KALRN: variants seen among roughly 807,000 people sequenced by gnomAD.
KALRN encodes the protein kalirin.
Under a neutral mutation model 353.7 loss-of-function variants are expected in KALRN, and 70 were observed. The observed-to-expected ratio is 0.20, with a 90% CI of 0.16 to 0.24. The LOEUF (loss-of-function observed/expected upper bound fraction) is 0.24. Among genes scored for constraint, KALRN ranks in the 10% least tolerant of loss-of-function variants. KALRN has a pLI of 1.00. For synonymous variants in KALRN, 1,391 were observed against 1,434.8 expected (o/e 0.97, Z 0.69); for missense variants, 2,791 against 3,756.7 (o/e 0.74, Z 6.72).
rs747421477 is a variant in KALRN, at chr3:124,562,994, G to A, written c.5087G>A (p.Ser1696Asn). ...GWCLVRTTER[S>N]PPLEGLVPSS... is the part of the protein sequence containing the mutation. ...TGTCTGGTCCGTACCACCGAACGGAGCCCGCCCTTGGAGGGTCTGGTCCCC... is the reference window on the plus strand; with the variant it reads ...TGTCTGGTCCGTACCACCGAACGGAACCCGCCCTTGGAGGGTCTGGTCCCC... Residue 1696 changes from serine (S) to asparagine (N), a missense_variant, in exon 34 of 60, where the codon AGC becomes AAC. By Grantham distance (46) the Ser-to-Asn change is conservative. Around this residue, in one of 11 missense-constraint regions of KALRN, gnomAD observed 239 missense variants for 351.3 expected, o/e 0.68. Coordinates refer to ENST00000682506, the MANE Select transcript of KALRN (RefSeq NM_001388419.1). The A allele has an allele frequency of 4.4e-6, 6 of 1,367,930 alleles. No homozygotes were observed. The highest frequency in any genetic ancestry group is 1.9e-5 in the Admixed American group (1 of 52,600). The allele number at this position is 1,367,930 out of a possible 1,614,324, so 84.7% of individuals were successfully genotyped here. A position where few individuals can be genotyped will look rare whatever the true frequency, so the allele number is the denominator to read the frequency against.
chr3:124,430,606 G>C, intron 15 of KALRN, 50 bp from the exon 16 acceptor site: 1 of 1,605,480 alleles, frequency 6.2e-7, no homozygotes, highest in Non-Finnish European at 8.5e-7. Context: ...CAACAGCTCT[G>C]GGGAAACTGC....
chr3:124,514,476 A>G (rs1297461363), intron 33 of KALRN, among the ~76,000 whole-genome samples: 2 of 152,236 alleles, frequency 1.3e-5, no homozygotes, highest in African/African-American at 4.8e-5. Context: ...AGGTTAAGCA[A>G]CTAACAGTAA....
chr3:124,609,541 G>A (rs333333), intron 34 of KALRN, among the ~76,000 whole-genome samples: 64,545 of 152,072 alleles, frequency 0.42, 14,898 homozygotes, highest in East Asian at 0.63. Flanking sequence ...TATAAAAGTG[G>A]GTAAAGGGCA....
chr3:124,400,419 G>C (rs1361956725), intron 13 of KALRN, among the ~76,000 whole-genome samples: 1 of 152,170 alleles, frequency 6.6e-6, no homozygotes. Context: ...CTGGAACAAA[G>C]GAGAAGTTAA....
At chr3:124,333,621 C>T (rs2149456941) in intron 8 of KALRN, among the ~76,000 whole-genome samples, 1 of 152,264 alleles carries the variant, frequency 6.6e-6, no homozygotes. Flanking sequence ...GGCACTGTGG[C>T]TCACACCTGT....
At chr3:124,260,476 A>T (rs1357709860) in intron 3 of KALRN, among the ~76,000 whole-genome samples, 1 of 152,172 alleles carries the variant, frequency 6.6e-6, no homozygotes, top group Non-Finnish European at 1.5e-5. Context: ...CCTTGCAAAT[A>T]GCAGCCCTTT....
At chr3:124,185,935 G>A (rs1021299653) in intron 1 of KALRN, among the ~76,000 whole-genome samples, 3 of 152,184 alleles carry the variant, frequency 2.0e-5, no homozygotes, top group African/African-American at 7.2e-5. Flanking sequence ...CAGTTGCTGG[G>A]AGATGGAGGA....
intron 1 of KALRN, 93 bp from the exon 2 acceptor site, chr3:124,227,897 C>G: frequency 1.0e-6 from 1 of 1,004,742 alleles, no homozygotes; most frequent in South Asian, 1.3e-5. Context: ...GACTTGCCGG[C>G]TGATGATGGG....
At chr3:124,371,907 T>C (rs2085891115) in intron 10 of KALRN, among the ~76,000 whole-genome samples, 1 of 152,208 alleles carries the variant, frequency 6.6e-6, no homozygotes, top group Admixed American at 6.5e-5. Flanking sequence ...CTATTTTTTG[T>C]AGCTCTTAAC....
chr3:124,692,040 A>G lies in KALRN; in HGVS notation c.7378-1764A>G, dbSNP rs2061841989. Among the ~76,000 whole-genome samples the G allele has an allele frequency of 2.0e-5, 3 of 152,208 alleles. No homozygotes were observed. The South Asian group carries it at 6.2e-4, about 32-fold the overall frequency. ...TTCCCTGGAATAGAGGGGGACTTTC[A>G]TCAGGTTCATTAAACAAGGCTGCAT... On this transcript the variant is annotated intron_variant, in intron 51 of 59. Transcript: ENST00000682506.
intron 34 of KALRN, among the ~76,000 whole-genome samples, chr3:124,596,528 A>G (rs893359066): frequency 2.0e-5 from 3 of 152,180 alleles, no homozygotes; most frequent in Non-Finnish European, 4.4e-5. Context: ...CATACAATCA[A>G]TATAAAAATT....
intron 1 of KALRN, among the ~76,000 whole-genome samples, chr3:124,200,799 A>C (rs1372141329): frequency 6.6e-6 from 1 of 152,206 alleles, no homozygotes; most frequent in African/African-American, 2.4e-5. Flanking sequence ...GCCACCCTAC[A>C]CCATCCCTCT....
chr3:124,179,880 T>G (rs975749164), intron 1 of KALRN, among the ~76,000 whole-genome samples: 1 of 152,210 alleles, frequency 6.6e-6, no homozygotes, highest in African/African-American at 2.4e-5. Flanking sequence ...CTCACCTAGT[T>G]TCGGACCGAG....
Position 124,434,373 on chromosome 3 carries a change from G to A in KALRN, c.2896G>A (p.Glu966Lys), listed in dbSNP as rs1001691505. ...TGCCCTGCAGGTACAGCAGAAAGCCGAGGTGCTGCTCCAGGCCGGCCACTA... is the reference window on the plus strand; with the variant it reads ...TGCCCTGCAGGTACAGCAGAAAGCCAAGGTGCTGCTCCAGGCCGGCCACTA... The part of the protein sequence containing the change: ...QSALQVQQKA[E>K]VLLQAGHYDA... The change falls in exon 17 of 60, where the codon GAG becomes AAG. Residue 966 changes from glutamate to lysine, a missense_variant. By Grantham distance (56) the Glu-to-Lys change is moderately conservative. Coordinates refer to ENST00000682506, the MANE Select transcript of KALRN (RefSeq NM_001388419.1). The A allele has an allele frequency of 4.3e-6, 7 of 1,613,776 alleles. No homozygotes were observed. Among genetic ancestry groups the A allele is most frequent in the Non-Finnish European group, 5.9e-6 (7 of 1,180,038 alleles).
chr3:124,439,069 C>T, intron 18 of KALRN, 32 bp downstream of exon 18: 1 of 1,602,038 alleles, frequency 6.2e-7, no homozygotes, highest in East Asian at 2.2e-5. Context: ...AGGGCTCAGA[C>T]TCCTGGCCTT....
At chr3:124,558,141 A>G (rs2071508577) in intron 33 of KALRN, among the ~76,000 whole-genome samples, 1 of 152,174 alleles carries the variant, frequency 6.6e-6, no homozygotes. Flanking sequence ...AAAAGGATTC[A>G]CTTACATAAT....
At chr3:124,559,891 C>A (rs1247213439) in intron 33 of KALRN, among the ~76,000 whole-genome samples, 1 of 152,222 alleles carries the variant, frequency 6.6e-6, no homozygotes, top group Non-Finnish European at 1.5e-5. Flanking sequence ...CTATTTGAAC[C>A]ATAATGGCTT....
At chr3:124,251,611 G>T (rs10934662) in intron 3 of KALRN, among the ~76,000 whole-genome samples, 50,680 of 151,762 alleles carry the variant, frequency 0.33, 9,729 homozygotes, top group East Asian at 0.67. Context: ...GCTCAAGCAA[G>T]TCGCCTGTTG....
In KALRN at chr3:124,446,192, T is replaced by C; in HGVS notation, c.3345T>C (p.Asn1115=). Residue 1115 remains asparagine, a synonymous_variant, in exon 20 of 60, where the codon AAT becomes AAC. Coordinates refer to ENST00000682506, the MANE Select transcript of KALRN (RefSeq NM_001388419.1). ...TGAGTGAGCTCCTGCAGAGGGAGAATCGCGTGCTGCATTTCTGGACCTTGA... is the reference window on the plus strand; with the variant it reads ...TGAGTGAGCTCCTGCAGAGGGAGAACCGCGTGCTGCATTTCTGGACCTTGA... ...AILSELLQRE[N]RVLHFWTLKK... 1 of 1,614,040 alleles carries C rather than the reference T, an allele frequency of 6.2e-7. No homozygotes were observed. The highest frequency in any genetic ancestry group is 8.5e-7 in the Non-Finnish European group (1 of 1,179,912).
Sources: gnomAD v4.1 joint callset for allele counts (sites outside exome capture counted in the v4.1 genomes callset) on GRCh38, gnomAD v4.1.1 for gene constraint, gnomAD v4.1.1 regional missense constraint, MANE v1.5 for transcripts, NCBI Gene and HGNC (gene_info 2026-07-23, HGNC 2026-07-21) for gene names.